The following ZBTB20 variants were observed in gnomAD, a reference collection of about 807,000 sequenced individuals.
ZBTB20 encodes the protein zinc finger and BTB domain containing 20.
In ZBTB20, 9 loss-of-function variants were observed where a neutral mutation model predicts 56.9. The ratio of observed to expected loss-of-function variants is 0.16; its 90% CI spans 0.10 to 0.28. The LOEUF (loss-of-function observed/expected upper bound fraction) is 0.28, where lower values mean the gene tolerates loss of function less well. ZBTB20 is among the 10% of genes least tolerant of loss of function. The pLI is 1.00. For synonymous variants in ZBTB20, 417 were observed against 420.7 expected, an observed-to-expected ratio of 0.99 and a Z score of 0.11; for missense variants, 655 against 1,003.0, an observed-to-expected ratio of 0.65 and a Z score of 4.69.
intron 6 of ZBTB20, among the ~76,000 whole-genome samples, chr3:114,598,615 A>AT (rs2107612909): frequency 6.6e-6 from 1 of 152,160 alleles, no homozygotes; most frequent in African/African-American, 2.4e-5. Flanking sequence ...CTAATTACAT[A>AT]TTTTTCTATT....
chr3:114,812,711 T>C (rs1418892873), intron 4 of ZBTB20, among the ~76,000 whole-genome samples: 1 of 152,178 alleles, frequency 6.6e-6, no homozygotes, highest in Non-Finnish European at 1.5e-5. Context: ...CCTCAGCCCT[T>C]GGGTGGTCGA....
intron 6 of ZBTB20, among the ~76,000 whole-genome samples, chr3:114,566,330 C>A (rs1038514071): frequency 6.6e-6 from 1 of 152,150 alleles, no homozygotes; most frequent in African/African-American, 2.4e-5. Context: ...CTGGGTCACA[C>A]AGCGAGGATA....
chr3:114,961,531 G>T (rs2077451379), intron 3 of ZBTB20, among the ~76,000 whole-genome samples: 1 of 152,078 alleles, frequency 6.6e-6, no homozygotes, highest in South Asian at 2.1e-4. Flanking sequence ...ACAAGTCTCG[G>T]TTGGAAGTCT....
chr3:114,889,668 T>C (rs1202684512), intron 4 of ZBTB20, among the ~76,000 whole-genome samples: 2 of 152,098 alleles, frequency 1.3e-5, no homozygotes, highest in Non-Finnish European at 2.9e-5. Flanking sequence ...ATTATTAATA[T>C]TAAGCAGTTA....
intron 7 of ZBTB20, among the ~76,000 whole-genome samples, chr3:114,492,886 C>T (rs562315076): frequency 1.3e-5 from 2 of 152,280 alleles, no homozygotes; most frequent in African/African-American, 4.8e-5. Flanking sequence ...GTTTTATATG[C>T]ACATGAGTAT....
At chr3:114,360,139 CATT>C (rs1433306263) in intron 10 of ZBTB20, among the ~76,000 whole-genome samples, 5 of 151,172 alleles carry the variant, frequency 3.3e-5, no homozygotes, top group Admixed American at 6.6e-5. Flanking sequence ...CAAAAAATAT[CATT>C]GAGTTCCCAA....
chr3:114,737,626 AT>A (rs1485081327), intron 5 of ZBTB20, among the ~76,000 whole-genome samples: 1 of 152,160 alleles, frequency 6.6e-6, no homozygotes. Flanking sequence ...AAATGTGGAA[AT>A]TTTTTTCAGA....
chr3:115,091,053 A>C lies in ZBTB20; in HGVS notation c.-702-19639T>G, dbSNP rs533735972. Among the ~76,000 whole-genome samples the C allele has an allele frequency of 7.9e-5, 12 of 152,090 alleles. No individual in the cohort carries two copies. The South Asian group carries it at 1.7e-3, about 21-fold the overall frequency. On this transcript the variant is annotated intron_variant, in intron 1 of 11. Transcript: ENST00000675478. ...TTACTATATAAGTTCATTGTACTTT[A>C]TTTATTATATGGTTAAAGAATAGAA... is the stretch of plus-strand genomic sequence containing the variant.
rs2088514167 is a variant in ZBTB20, at chr3:114,416,049, T to G, written c.-254-26944A>C. On this transcript the variant is annotated intron_variant, in intron 7 of 11. Transcript: ENST00000675478. ...TGGAAAAACAGAAGTCTGCTTCCAT[T>G]GCAGTCACCCCATCTCCTACAGGGG... 2.6e-5 allele frequency among the ~76,000 whole-genome samples: 4 copies of G among 152,078 alleles called. No individual in the cohort carries two copies. The South Asian group carries it at 8.3e-4, about 31-fold the overall frequency.
At chr3:115,023,713 C>G (rs1380065232) in intron 2 of ZBTB20, among the ~76,000 whole-genome samples, 1 of 150,726 alleles carries the variant, frequency 6.6e-6, no homozygotes, top group Non-Finnish European at 1.5e-5. Context: ...ATTTTATATT[C>G]TCCTCCCCCA....
chr3:115,065,573 A>G (rs2082177609), intron 2 of ZBTB20, among the ~76,000 whole-genome samples: 1 of 152,180 alleles, frequency 6.6e-6, no homozygotes, highest in Non-Finnish European at 1.5e-5. Context: ...GAACATGGAA[A>G]AACATGTGTT....
chr3:114,574,915 C>A (rs931406491), intron 6 of ZBTB20, among the ~76,000 whole-genome samples: 6 of 152,106 alleles, frequency 3.9e-5, no homozygotes, highest in Admixed American at 1.3e-4. Flanking sequence ...GCTATATGGA[C>A]CCTATATGCA....
At chr3:114,445,833 G>A (rs2091235236) in intron 7 of ZBTB20, among the ~76,000 whole-genome samples, 1 of 152,010 alleles carries the variant, frequency 6.6e-6, no homozygotes, top group African/African-American at 2.4e-5. Context: ...TGTATGTGTT[G>A]AATTTAATAA....
At chr3:115,066,541 CT>C (rs2082213891) in intron 2 of ZBTB20, among the ~76,000 whole-genome samples, 1 of 152,154 alleles carries the variant, frequency 6.6e-6, no homozygotes, top group Non-Finnish European at 1.5e-5. Flanking sequence ...CTCTGGTCTG[CT>C]TTCTTCATAC....
At chr3:114,841,044 T>A (rs1250592561) in intron 4 of ZBTB20, among the ~76,000 whole-genome samples, 1 of 152,212 alleles carries the variant, frequency 6.6e-6, no homozygotes, top group East Asian at 1.9e-4. Flanking sequence ...CATTATTAAA[T>A]GCCTAGTAAA....
intron 6 of ZBTB20, among the ~76,000 whole-genome samples, chr3:114,535,202 G>A (rs1236869432): frequency 6.6e-6 from 1 of 152,116 alleles, no homozygotes; most frequent in Non-Finnish European, 1.5e-5. Flanking sequence ...GAATCTAGGA[G>A]CTGATTTTTT....
At chr3:115,084,364 A>G (rs537382880) in intron 1 of ZBTB20, among the ~76,000 whole-genome samples, 1 of 151,666 alleles carries the variant, frequency 6.6e-6, no homozygotes, top group South Asian at 2.1e-4. Context: ...TGCCTGTCTC[A>G]TAACACAATA....
At chr3:114,645,460 A>C (rs906945652) in intron 6 of ZBTB20, among the ~76,000 whole-genome samples, 2 of 152,146 alleles carry the variant, frequency 1.3e-5, no homozygotes, top group Non-Finnish European at 2.9e-5. Flanking sequence ...TGACTATATC[A>C]ATTTGTCTTG....
intron 7 of ZBTB20, among the ~76,000 whole-genome samples, chr3:114,444,374 C>T (rs2091131056): frequency 6.6e-6 from 1 of 152,240 alleles, no homozygotes; most frequent in East Asian, 1.9e-4. Context: ...GTGCATTTTC[C>T]TTCATTCCTC....
Sources: gnomAD v4.1 joint callset for allele counts (sites outside exome capture counted in the v4.1 genomes callset) on GRCh38, gnomAD v4.1.1 for gene constraint, MANE v1.5 for transcripts, NCBI Gene and HGNC (gene_info 2026-07-23, HGNC 2026-07-21) for gene names.